The following IMMP2L variants were observed in gnomAD, a reference collection of about 807,000 sequenced individuals.
IMMP2L encodes mitochondrial inner membrane protease subunit 2.
A neutral mutation model predicts 19.3 loss-of-function variants in IMMP2L; 18 were observed. The ratio of observed to expected loss-of-function variants is 0.93; its 90% confidence interval spans 0.64 to 1.38. IMMP2L has a LOEUF of 1.38. IMMP2L is among the 40% of genes most tolerant of loss of function. IMMP2L has a pLI of 0.00. For missense variants in IMMP2L, 233 were observed against 218.2 expected (o/e 1.07, Z -0.43); for synonymous variants, 76 against 73.0 (o/e 1.04, Z -0.21).
chr7:110,817,068 T>G (rs1030588870), intron 5 of IMMP2L, among the ~76,000 whole-genome samples: 2 of 152,064 alleles, frequency 1.3e-5, no homozygotes, highest in Non-Finnish European at 2.9e-5. Flanking sequence ...GCCTTGATGG[T>G]CTTTACATTT....
intron 3 of IMMP2L, among the ~76,000 whole-genome samples, chr7:111,159,075 C>T (rs1301847368): frequency 1.3e-5 from 2 of 152,086 alleles, no homozygotes; most frequent in Non-Finnish European, 2.9e-5. Flanking sequence ...TGGCAGCATT[C>T]TACTAAGAAA....
chr7:111,216,850 TTCAG>T (rs1811978092), intron 3 of IMMP2L, among the ~76,000 whole-genome samples: 1 of 152,080 alleles, frequency 6.6e-6, no homozygotes. Context: ...TATGACTATA[TTCAG>T]TCAATCACAT....
chr7:111,238,619 G>A (rs1264671268), intron 3 of IMMP2L, among the ~76,000 whole-genome samples: 1 of 151,842 alleles, frequency 6.6e-6, no homozygotes, highest in Non-Finnish European at 1.5e-5. Context: ...AAAAAGAAAG[G>A]TTTTAGAGTG....
chr7:111,217,692 G>C (rs1812102790), intron 3 of IMMP2L, among the ~76,000 whole-genome samples: 1 of 151,916 alleles, frequency 6.6e-6, no homozygotes, highest in South Asian at 2.1e-4. Context: ...TTTATATTCT[G>C]ATTAGAAGCA....
chr7:110,782,584 G>T (rs1316379019), intron 5 of IMMP2L, among the ~76,000 whole-genome samples: 1 of 151,640 alleles, frequency 6.6e-6, no homozygotes, highest in Non-Finnish European at 1.5e-5. Context: ...AGTCTCTTCA[G>T]GGCATGTTTA....
intron 3 of IMMP2L, among the ~76,000 whole-genome samples, chr7:111,192,502 CTT>C (rs1808997784): frequency 6.6e-6 from 1 of 152,082 alleles, no homozygotes; most frequent in African/African-American, 2.4e-5. Flanking sequence ...TCCAACAAAA[CTT>C]AGTGTGTAAA....
At chr7:110,927,717 C>A (rs1449645283) in intron 4 of IMMP2L, among the ~76,000 whole-genome samples, 1 of 151,942 alleles carries the variant, frequency 6.6e-6, no homozygotes, top group Non-Finnish European at 1.5e-5. Context: ...AACACTGAGG[C>A]CTGATAATGT....
At chr7:110,993,201 C>G (rs1822672150) in intron 3 of IMMP2L, among the ~76,000 whole-genome samples, 1 of 152,058 alleles carries the variant, frequency 6.6e-6, no homozygotes, top group Admixed American at 6.6e-5. Flanking sequence ...CAAGAACAGA[C>G]AGACATATGC....
chr7:111,192,115 A>G (rs1278932397), intron 3 of IMMP2L, among the ~76,000 whole-genome samples: 1 of 152,144 alleles, frequency 6.6e-6, no homozygotes, highest in Non-Finnish European at 1.5e-5. Flanking sequence ...CCCAAGTGGA[A>G]GAGAGAATTT....
At chr7:111,298,554 A>G (rs1245353729) in intron 3 of IMMP2L, among the ~76,000 whole-genome samples, 3 of 152,100 alleles carry the variant, frequency 2.0e-5, no homozygotes, top group Non-Finnish European at 4.4e-5. Flanking sequence ...GTTCAAGACC[A>G]GGCTGGCCAA....
At chr7:110,836,076 A>G (rs1224907180) in intron 5 of IMMP2L, among the ~76,000 whole-genome samples, 1 of 152,144 alleles carries the variant, frequency 6.6e-6, no homozygotes, top group Non-Finnish European at 1.5e-5. Context: ...CTCAGTCAGT[A>G]TTGCATAAAT....
At chr7:110,784,512 A>G (rs953557869) in intron 5 of IMMP2L, among the ~76,000 whole-genome samples, 4 of 151,964 alleles carry the variant, frequency 2.6e-5, no homozygotes, top group South Asian at 2.1e-4. Context: ...ATCTGCCAAC[A>G]TTTACATCTA....
chr7:111,506,833 T>A (rs567316365), intron 2 of IMMP2L, among the ~76,000 whole-genome samples: 3,035 of 152,252 alleles, frequency 0.02, 100 homozygotes, highest in African/African-American at 0.069. Context: ...TCTGAGGTTT[T>A]TTTTGTTTTT....
intron 3 of IMMP2L, among the ~76,000 whole-genome samples, chr7:111,253,874 G>C (rs948928872): frequency 1.8e-4 from 27 of 152,130 alleles, no homozygotes; most frequent in African/African-American, 6.0e-4. Context: ...TGAGGCCAGC[G>C]TGGCATGATC....
At chr7:111,150,851 T>G (rs954469634) in intron 3 of IMMP2L, among the ~76,000 whole-genome samples, 2 of 152,212 alleles carry the variant, frequency 1.3e-5, no homozygotes, top group Non-Finnish European at 2.9e-5. Context: ...TTACTTCAGG[T>G]TACCTGCTTT....
intron 2 of IMMP2L, among the ~76,000 whole-genome samples, chr7:111,516,824 A>G (rs902915335): frequency 6.6e-6 from 1 of 152,162 alleles, no homozygotes; most frequent in South Asian, 2.1e-4. Flanking sequence ...CCAATAAAGC[A>G]TTCCAACATT....
At chr7:111,543,416 T>C (rs1848651876) in intron 1 of IMMP2L, among the ~76,000 whole-genome samples, 1 of 152,054 alleles carries the variant, frequency 6.6e-6, no homozygotes, top group Non-Finnish European at 1.5e-5. Flanking sequence ...TTCCCTATAT[T>C]AGTTTGCTTG....
intron 3 of IMMP2L, among the ~76,000 whole-genome samples, chr7:111,222,167 G>C (rs1396882524): frequency 1.3e-5 from 2 of 151,990 alleles, no homozygotes; most frequent in Non-Finnish European, 2.9e-5. Context: ...AGATATATTA[G>C]AGGTATAATG....
chr7:111,180,461 G>A (rs1807580125), intron 3 of IMMP2L, among the ~76,000 whole-genome samples: 1 of 151,990 alleles, frequency 6.6e-6, no homozygotes, highest in South Asian at 2.1e-4. Context: ...CATGGGTGAG[G>A]TTTGTGGTGC....
Sources: allele counts gnomAD v4.1 joint callset (sites outside exome capture counted in the v4.1 genomes callset), GRCh38; gene constraint gnomAD v4.1.1; transcripts MANE v1.5; gene names NCBI Gene and HGNC (gene_info 2026-07-23, HGNC 2026-07-21).